Variants in ADAMTS3 observed in about 807,000 individuals in gnomAD.
ADAMTS3 encodes the protein ADAM metallopeptidase with thrombospondin type 1 motif 3.
In ADAMTS3, 73 loss-of-function variants were observed where a neutral mutation model predicts 129.0. The observed-to-expected ratio is 0.57, with a 90% confidence interval of 0.47 to 0.69. ADAMTS3 has a LOEUF of 0.69. Ranked by LOEUF, ADAMTS3 falls within the 30% of genes least tolerant of loss-of-function variation. The probability of loss-of-function intolerance (pLI) is 0.00; values close to 1 mark genes in which losing one functional copy is unlikely to be tolerated. For synonymous variants in ADAMTS3, 477 were observed against 510.8 expected (o/e 0.93, Z 0.89); for missense variants, 1,457 against 1,514.5 (o/e 0.96, Z 0.63).
At chr4:72,319,208 GA>G (rs1405737129) in intron 9 of ADAMTS3, 123 bp downstream of exon 9, 82 of 1,193,578 alleles carry the variant, frequency 6.9e-5, no homozygotes, top group Non-Finnish European at 9.5e-5. Context: ...TAAGTCATAA[GA>G]AAATGTTTAT....
intron 4 of ADAMTS3, among the ~76,000 whole-genome samples, chr4:72,340,329 G>GTA (rs1381972617): frequency 2.0e-5 from 3 of 151,326 alleles, no homozygotes; most frequent in African/African-American, 7.3e-5. Context: ...GTGTGTGTGT[G>GTA]TGTGTGTGTA....
chr4:72,499,385 A>G (rs564240368), intron 3 of ADAMTS3, among the ~76,000 whole-genome samples: 88 of 152,286 alleles, frequency 5.8e-4, no homozygotes, highest in African/African-American at 2.1e-3. Context: ...GGAAAAGCTT[A>G]TTTCAGCAGG....
intron 12 of ADAMTS3, 81 bp downstream of exon 12, chr4:72,313,596 T>A: frequency 6.8e-7 from 1 of 1,462,268 alleles, no homozygotes; most frequent in Non-Finnish European, 9.3e-7. Flanking sequence ...ATGCACTTTA[T>A]AAAACAGAAT....
chr4:72,399,766 T>C (rs952662682), intron 4 of ADAMTS3, among the ~76,000 whole-genome samples: 19 of 146,994 alleles, frequency 1.3e-4, no homozygotes, highest in South Asian at 6.4e-4. Flanking sequence ...TGTGTATATA[T>C]ATACACACAC....
intron 4 of ADAMTS3, among the ~76,000 whole-genome samples, chr4:72,360,390 A>G (rs6849262): frequency 0.064 from 9,675 of 152,040 alleles, 1,073 homozygotes; most frequent in African/African-American, 0.22. Flanking sequence ...AAGGTCCAAA[A>G]AAAATTTCTT....
intron 4 of ADAMTS3, among the ~76,000 whole-genome samples, chr4:72,343,007 A>C (rs1230636757): frequency 1.3e-5 from 2 of 152,186 alleles, no homozygotes. Context: ...CTCCTGTGAG[A>C]GAGAAGGGCA....
intron 4 of ADAMTS3, among the ~76,000 whole-genome samples, chr4:72,347,715 C>T (rs1338291366): frequency 6.6e-6 from 1 of 151,770 alleles, no homozygotes; most frequent in African/African-American, 2.4e-5. Context: ...TTATTTATGG[C>T]TTTTGTAGTT....
At position 72,283,085 on chromosome 4, in the gene ADAMTS3, G is replaced by A; in HGVS notation, c.*51C>T. Reference sequence around the variant, plus strand: ...AACAAGCATATGCACCATGGGAAGAGAGAGGTTGTCCAGGTTTTCCTCTGG... The same window carrying A: ...AACAAGCATATGCACCATGGGAAGAAAGAGGTTGTCCAGGTTTTCCTCTGG... On this transcript the variant is annotated 3_prime_UTR_variant, in exon 22 of 22. Coordinates refer to ENST00000286657, the MANE Select transcript of ADAMTS3 (RefSeq NM_014243.3). 1 of 1,462,604 alleles carries A rather than the reference G, an allele frequency of 6.8e-7. No individual in the cohort carries two copies. Among genetic ancestry groups the A allele is most frequent in the South Asian group, 1.3e-5 (1 of 76,318 alleles). 90.6% of individuals were successfully genotyped at this position (1,462,604 alleles called of 1,614,324 possible).
intron 4 of ADAMTS3, among the ~76,000 whole-genome samples, chr4:72,385,835 A>G (rs1449562259): frequency 1.3e-5 from 2 of 152,158 alleles, no homozygotes; most frequent in African/African-American, 2.4e-5. Flanking sequence ...CTGCACATGT[A>G]CCACCTGAAT....
chr4:72,351,401 C>T (rs1720431998), intron 4 of ADAMTS3, among the ~76,000 whole-genome samples: 1 of 151,710 alleles, frequency 6.6e-6, no homozygotes, highest in Non-Finnish European at 1.5e-5. Flanking sequence ...TGAAGTTAGG[C>T]AGTAGTGAAA....
intron 3 of ADAMTS3, among the ~76,000 whole-genome samples, chr4:72,541,558 C>T (rs1721324320): frequency 6.6e-6 from 1 of 152,138 alleles, no homozygotes; most frequent in Admixed American, 6.5e-5. Context: ...GGCTGTGTCC[C>T]CACCCAAATC....
chr4:72,429,620 A>C (rs577392826), intron 3 of ADAMTS3, among the ~76,000 whole-genome samples: 1 of 152,058 alleles, frequency 6.6e-6, no homozygotes, highest in Non-Finnish European at 1.5e-5. Flanking sequence ...TAAAGCTAGG[A>C]TTATGCATTA....
intron 3 of ADAMTS3, among the ~76,000 whole-genome samples, chr4:72,437,511 C>T (rs931822002): frequency 4.0e-5 from 6 of 151,670 alleles, no homozygotes; most frequent in Non-Finnish European, 8.8e-5. Context: ...AATTGTATAG[C>T]ATGATCATAG....
At chr4:72,294,169 G>A (rs527621836) in intron 19 of ADAMTS3, among the ~76,000 whole-genome samples, 2 of 152,044 alleles carry the variant, frequency 1.3e-5, no homozygotes, top group Non-Finnish European at 2.9e-5. Context: ...TATGCTAAGT[G>A]AAATGAATCA....
chr4:72,313,422 G>C (rs1400085568), intron 12 of ADAMTS3, among the ~76,000 whole-genome samples: 6 of 152,068 alleles, frequency 3.9e-5, no homozygotes, highest in Non-Finnish European at 7.4e-5. Context: ...TCCTTGTTCA[G>C]CTTCTTAATA....
Position 72,488,544 on chromosome 4 carries a change from A to G in ADAMTS3, c.504+59934T>C, listed in dbSNP as rs533466213. On this transcript the variant is annotated intron_variant, in intron 3 of 21. Coordinates refer to ENST00000286657, the MANE Select transcript of ADAMTS3 (RefSeq NM_014243.3). ...CTTCCACCACTTCTAACCTAATCCA[A>G]CCTACAGCCATATCTCAAATGTGAT... is the stretch of plus-strand genomic sequence containing the variant. Among the ~76,000 whole-genome samples, 195 of 151,948 alleles carry G rather than the reference A, an allele frequency of 1.3e-3. 1 individual carries two copies. Among genetic ancestry groups the G allele is most frequent in the South Asian group, 2.1e-3 (10 of 4,818 alleles).
At chr4:72,313,971 G>A (rs1297673104) in intron 11 of ADAMTS3, 149 bp from the exon 12 acceptor site, 2 of 824,782 alleles carry the variant, frequency 2.4e-6, no homozygotes, top group East Asian at 5.3e-5. Flanking sequence ...AAGCAATTAT[G>A]TCATTAATAT....
intron 3 of ADAMTS3, among the ~76,000 whole-genome samples, chr4:72,467,796 C>A (rs1028959053): frequency 6.6e-6 from 1 of 152,026 alleles, no homozygotes; most frequent in Non-Finnish European, 1.5e-5. Context: ...ACACTGTAAT[C>A]TTTTGCTAAC....
intron 3 of ADAMTS3, among the ~76,000 whole-genome samples, chr4:72,502,494 TTTC>T (rs1221200145): frequency 6.6e-6 from 1 of 152,130 alleles, no homozygotes; most frequent in African/African-American, 2.4e-5. Flanking sequence ...TTATTTGGAC[TTTC>T]TTGTTTTCAC....
Sources: gnomAD v4.1 joint callset for allele counts (sites outside exome capture counted in the v4.1 genomes callset) on GRCh38, gnomAD v4.1.1 for gene constraint, MANE v1.5 for transcripts, NCBI Gene and HGNC (gene_info 2026-07-23, HGNC 2026-07-21) for gene names.